PABPC4: variants seen among roughly 807,000 people sequenced by gnomAD.
PABPC4 encodes the protein poly(A) binding protein cytoplasmic 4, also known as polyadenylate-binding protein 4.
PABPC4 carries 15 observed loss-of-function variants against 74.5 expected under a neutral mutation model. The observed-to-expected ratio is 0.20, with a 90% CI of 0.13 to 0.31. The LOEUF (loss-of-function observed/expected upper bound fraction) is 0.31. Ranked by LOEUF, PABPC4 falls within the 10% of genes least tolerant of loss-of-function variation. PABPC4 has a pLI of 1.00. For missense variants in PABPC4, 610 were observed against 853.5 expected (o/e 0.71, Z 3.55); for synonymous variants, 345 against 303.0 (o/e 1.14, Z -1.44).
Position 39,571,842 on chromosome 1 carries a change from C to T in PABPC4, c.388-493G>A, listed in dbSNP as rs188446090. The T allele has an allele frequency of 1.4e-3, 390 of 277,618 alleles. 1 individual carries two copies. Among genetic ancestry groups the T allele is most frequent in the African/African-American group, 7.9e-3 (362 of 45,596 alleles). The allele number at this position is 277,618 out of a possible 1,614,324, so 17.2% of individuals were successfully genotyped here. A position where few individuals can be genotyped will look rare whatever the true frequency, so the allele number is the denominator to read the frequency against. On this transcript the variant is annotated intron_variant, in intron 2 of 15. Coordinates refer to ENST00000372858, the MANE Select transcript of PABPC4 (RefSeq NM_001135653.2). Reference sequence around the variant, plus strand: ...GAGCTATTACTAGACCACTGCACTCCACCCTGGGTGACAGACAGAGCAAGA... The same window carrying T: ...GAGCTATTACTAGACCACTGCACTCTACCCTGGGTGACAGACAGAGCAAGA...
rs146539230 is a variant in PABPC4, at chr1:39,567,698, T to A, written c.972+53A>T. 4.1e-4 allele frequency: 358 copies of A among 877,780 alleles called. No homozygotes were observed. The African/African-American group carries it at 5.4e-3, about 13-fold the overall frequency. 54.4% of individuals were successfully genotyped at this position (877,780 alleles called of 1,614,324 possible). A position where few individuals can be genotyped will look rare whatever the true frequency, so the allele number is the denominator to read the frequency against. ...ATTCCTTCAATGGGACAAATGCCAA[T>A]AAGCCTATAATGGAATACCACTGCT... On this transcript the variant is annotated intron_variant, in intron 7 of 15. Transcript: ENST00000372858.
intron 14 of PABPC4, 35 bp from the exon 15 acceptor site, chr1:39,561,822 G>T: frequency 6.4e-7 from 1 of 1,569,192 alleles, no homozygotes; most frequent in South Asian, 1.1e-5. Context: ...GTGAATCTAG[G>T]AGAGCTACTC....
At chr1:39,566,562 T>C (rs1329456374) in intron 7 of PABPC4, among the ~76,000 whole-genome samples, 6 of 152,238 alleles carry the variant, frequency 3.9e-5, no homozygotes, top group African/African-American at 1.4e-4. Context: ...CTGGTGTGAC[T>C]GTCATTGTTT....
At chr1:39,565,843 C>CAAAAA (rs1013391725) in intron 7 of PABPC4, among the ~76,000 whole-genome samples, 3 of 146,530 alleles carry the variant, frequency 2.0e-5, no homozygotes, top group African/African-American at 8.2e-5. Flanking sequence ...CAAAACAAAA[C>CAAAAA]AAAACAAAAC....
Position 39,565,096 on chromosome 1 carries a change from G to C in PABPC4, c.1245+10C>G. 1 of 1,612,936 alleles carries C rather than the reference G, an allele frequency of 6.2e-7. No individual in the cohort carries two copies. Among genetic ancestry groups the C allele is most frequent in the Non-Finnish European group, 8.5e-7 (1 of 1,179,714 alleles). ...GGTTCCCAAGAGCTGTGACCAAACAGCACACCCACCTGTGGGACTGCTGGC... is the reference window on the plus strand; with the variant it reads ...GGTTCCCAAGAGCTGTGACCAAACACCACACCCACCTGTGGGACTGCTGGC... On this transcript the variant is annotated intron_variant, in intron 8 of 15. Coordinates refer to ENST00000372858, the MANE Select transcript of PABPC4 (RefSeq NM_001135653.2).
At chr1:39,568,497 C>G (rs1424489366) in intron 6 of PABPC4, 2 of 267,710 alleles carry the variant, frequency 7.5e-6, no homozygotes, top group Admixed American at 1.0e-4. Context: ...CAGCAGGGGT[C>G]TTCTTGAAGC....
rs762276855 is a variant in PABPC4, at chr1:39,569,918, T to C, written c.588A>G (p.Lys196=). The change falls in exon 4 of 16, where the codon AAA becomes AAG. Residue 196 remains lysine (K), a synonymous_variant. Coordinates refer to ENST00000372858, the MANE Select transcript of PABPC4 (RefSeq NM_001135653.2). ...CATCATCCACCTCTTCCCCAAAGTT[T>C]TTGATATAAACATTGGTGAATTCCT... The part of the protein sequence containing the change: ...KAKEFTNVYI[K]NFGEEVDDES... The C allele has an allele frequency of 2.5e-6, 4 of 1,614,090 alleles. No homozygotes were observed. Among genetic ancestry groups the C allele is most frequent in the Non-Finnish European group, 2.5e-6 (3 of 1,180,030 alleles).
intron 2 of PABPC4, 49 bp from the exon 3 acceptor site, chr1:39,571,398 G>A (rs1645937579): frequency 6.2e-7 from 1 of 1,609,136 alleles, no homozygotes; most frequent in Admixed American, 1.7e-5. Flanking sequence ...CAGCTCCTGA[G>A]ACATGAGAAC....
At chr1:39,569,016 T>C in intron 5 of PABPC4, 77 bp from the exon 6 acceptor site, 3 of 1,494,554 alleles carry the variant, frequency 2.0e-6, no homozygotes, top group Non-Finnish European at 1.8e-6. Flanking sequence ...TCCCAAAAAA[T>C]ATTCTTTCTA....
rs1457560030 is a variant in PABPC4, at chr1:39,575,999, G to C, written c.-48C>G. On this transcript the variant is annotated 5_prime_UTR_variant, in exon 1 of 16. Transcript: ENST00000372858. ...AGCCCCGCCAGGAGGACTTCTTATC[G>C]GGCCCGCCGCAGGACAAAGGGGCGC... 3.0e-6 allele frequency: 4 copies of C among 1,320,360 alleles called. No individual in the cohort carries two copies. The highest frequency in any genetic ancestry group is 3.0e-6 in the Non-Finnish European group (3 of 992,490). 81.8% of individuals were successfully genotyped at this position (1,320,360 alleles called of 1,614,324 possible).
In PABPC4 at chr1:39,576,262, A is replaced by C; in HGVS notation, c.-311T>G. On this transcript the variant is annotated 5_prime_UTR_variant, in exon 1 of 16. Transcript: ENST00000372858. ...AAAATCAAAGTAGGAAAAAAATTAA[A>C]CGGGGAATCCCCTTCCGAAGGGTAA... 2 of 279,152 alleles carry C rather than the reference A, an allele frequency of 7.2e-6. No homozygotes were observed. Among genetic ancestry groups the C allele is most frequent in the African/African-American group, 2.2e-5 (1 of 45,792 alleles). The allele number at this position is 279,152 out of a possible 1,614,324, so 17.3% of individuals were successfully genotyped here. A position where few individuals can be genotyped will look rare whatever the true frequency, so the allele number is the denominator to read the frequency against.
intron 10 of PABPC4, 163 bp downstream of exon 10, chr1:39,564,260 T>C: frequency 1.4e-6 from 1 of 740,516 alleles, no homozygotes; most frequent in Non-Finnish European, 2.2e-6. Context: ...CTAGAACTCA[T>C]ACTGTTTCTC....
At chr1:39,574,314 G>C (rs1645984892) in intron 1 of PABPC4, among the ~76,000 whole-genome samples, 1 of 152,200 alleles carries the variant, frequency 6.6e-6, no homozygotes, top group African/African-American at 2.4e-5. Flanking sequence ...TTAATTAGCA[G>C]TAAAGGAGCC....
Position 39,576,081 on chromosome 1 carries a change from AGCT to A in PABPC4, c.-133_-131del, listed in dbSNP as rs1204210098. 1.1e-5 allele frequency: 7 copies of A among 616,856 alleles called. No homozygotes were observed. The East Asian group carries it at 2.0e-4, about 18-fold the overall frequency. 38.2% of individuals were successfully genotyped at this position (616,856 alleles called of 1,614,324 possible). A position where few individuals can be genotyped will look rare whatever the true frequency, so the allele number is the denominator to read the frequency against. On this transcript the variant is annotated 5_prime_UTR_variant, in exon 1 of 16. Coordinates refer to ENST00000372858, the MANE Select transcript of PABPC4 (RefSeq NM_001135653.2). The stretch of plus-strand genomic sequence containing the variant: ...AGGTGGCACCGGCGCGGCGAGGACG[AGCT>A]GGAGTCGGCGGGCTTGGAGACGGGA...
At chr1:39,569,066 C>T in intron 5 of PABPC4, 127 bp from the exon 6 acceptor site, 1 of 962,170 alleles carries the variant, frequency 1.0e-6, no homozygotes, top group Non-Finnish European at 1.5e-6. Context: ...CCTCTGAAGT[C>T]TGTCACACAA....
intron 1 of PABPC4, among the ~76,000 whole-genome samples, 185 bp downstream of exon 1, chr1:39,575,574 G>A (rs1466106362): frequency 2.0e-5 from 3 of 152,232 alleles, no homozygotes; most frequent in African/African-American, 7.2e-5. Context: ...GCAAGTGGTA[G>A]AAACAAGATT....
Position 39,568,808 on chromosome 1 carries a change from T to A in PABPC4, c.870A>T (p.Arg290=), listed in dbSNP as rs760100103. 6.2e-7 allele frequency: 1 copy of A among 1,613,104 alleles called. No homozygotes were observed. Among genetic ancestry groups the A allele is most frequent in the Non-Finnish European group, 8.5e-7 (1 of 1,179,754 alleles). The change falls in exon 6 of 16, where the codon CGA becomes CGT. Residue 290 remains arginine (R), a synonymous_variant. Transcript: ENST00000372858. ...TGGGCCAAGACCACCTTACCTGATA[T>A]CGACTAATTCTCTCCTGTTTCAACT... is the stretch of plus-strand genomic sequence containing the variant. ...FEQLKQERIS[R]YQGVNLYIKN...
At chr1:39,568,588 A>C in intron 6 of PABPC4, 3 of 457,584 alleles carry the variant, frequency 6.6e-6, no homozygotes, top group Non-Finnish European at 7.6e-6. Flanking sequence ...CAAAATAGAG[A>C]GCTTCTTGAT....
Position 39,561,107 on chromosome 1 carries a change from A to T in PABPC4, c.*29T>A, listed in dbSNP as rs1253361626. On this transcript the variant is annotated 3_prime_UTR_variant, in exon 16 of 16. Coordinates refer to ENST00000372858, the MANE Select transcript of PABPC4 (RefSeq NM_001135653.2). The stretch of plus-strand genomic sequence containing the variant: ...CTTGAGTTGAATTCCATAAGGGGTT[A>T]TTTGGCTTTTGAATCCTGTAAAGAA... 2.1e-6 allele frequency: 1 copy of T among 470,800 alleles called. No individual in the cohort carries two copies. The highest frequency in any genetic ancestry group is 2.4e-5 in the Admixed American group (1 of 42,548). The allele number at this position is 470,800 out of a possible 1,614,324, so 29.2% of individuals were successfully genotyped here.
Sources: gnomAD v4.1 joint callset for allele counts (sites outside exome capture counted in the v4.1 genomes callset) on GRCh38, gnomAD v4.1.1 for gene constraint, MANE v1.5 for transcripts, NCBI Gene and HGNC (gene_info 2026-07-23, HGNC 2026-07-21) for gene names.